The following SPECC1L variants were observed in gnomAD, a reference collection of about 807,000 sequenced individuals.
SPECC1L encodes sperm antigen with calponin homology and coiled-coil domains 1 like.
SPECC1L carries 40 observed loss-of-function variants against 116.8 expected under a neutral mutation model. That is an observed-to-expected ratio of 0.34 (90% CI 0.27 to 0.45). The LOEUF is 0.45. Ranked by LOEUF, SPECC1L falls within the 20% of genes least tolerant of loss-of-function variation. The pLI, the probability that SPECC1L is intolerant of heterozygous loss-of-function variation, is 1.00. For synonymous variants in SPECC1L, 504 were observed against 500.6 expected (o/e 1.01, Z -0.09); for missense variants, 1,110 against 1,373.6 (o/e 0.81, Z 3.03).
At chr22:24,376,816 GTT>G (rs58308633) in intron 14 of SPECC1L, among the ~76,000 whole-genome samples, 2 of 145,960 alleles carry the variant, frequency 1.4e-5, no homozygotes, top group African/African-American at 5.0e-5. Flanking sequence ...CAATCACCTA[GTT>G]TTTTTTTTTT....
intron 2 of SPECC1L, among the ~76,000 whole-genome samples, chr22:24,283,194 T>C (rs2146342822): frequency 6.6e-6 from 1 of 152,276 alleles, no homozygotes; most frequent in East Asian, 1.9e-4. Flanking sequence ...TTCTCCTGCG[T>C]CAGCCTCAGG....
chr22:24,281,554 T>C (rs1302455188), intron 2 of SPECC1L, among the ~76,000 whole-genome samples: 2 of 152,254 alleles, frequency 1.3e-5, no homozygotes, highest in African/African-American at 2.4e-5. Context: ...CAGATTTACT[T>C]CTATTTCATA....
chr22:24,412,623 T>C (rs1303458613), intron 15 of SPECC1L, 25 bp from the exon 16 acceptor site: 8 of 1,613,518 alleles, frequency 5.0e-6, no homozygotes, highest in Non-Finnish European at 6.8e-6. Context: ...GTTCATGCAC[T>C]GCAGTGACAC....
At chr22:24,414,238 G>C (rs1054171188) in intron 16 of SPECC1L, among the ~76,000 whole-genome samples, 2 of 152,152 alleles carry the variant, frequency 1.3e-5, no homozygotes, top group Admixed American at 6.5e-5. Flanking sequence ...AGGCAGGCGC[G>C]GGGAGGAGGG....
At chr22:24,335,137 A>G (rs2041025863) in intron 9 of SPECC1L, among the ~76,000 whole-genome samples, 1 of 152,048 alleles carries the variant, frequency 6.6e-6, no homozygotes, top group African/African-American at 2.4e-5. Context: ...AATTCTGTTG[A>G]TACAGCCTAC....
intron 14 of SPECC1L, among the ~76,000 whole-genome samples, chr22:24,411,222 A>AGG (rs34730325): frequency 1.6e-4 from 24 of 151,512 alleles, no homozygotes; most frequent in Admixed American, 4.6e-4. Flanking sequence ...AAAACAAAAA[A>AGG]GGGGGGGTCA....
intron 4 of SPECC1L, among the ~76,000 whole-genome samples, chr22:24,317,148 C>CT (rs1241893029): frequency 9.7e-6 from 1 of 103,422 alleles, no homozygotes; most frequent in African/African-American, 3.7e-5. Context: ...ACCCCCCTAC[C>CT]TCCCTCCCGG....
Position 24,365,554 on chromosome 22 carries a change from T to C in SPECC1L, c.2906T>C (p.Met969Thr), listed in dbSNP as rs1454777756. The change falls in exon 13 of 17, where the codon ATG becomes ACG. Residue 969 changes from methionine to threonine, a missense_variant. Around this residue, in one of 4 missense-constraint regions of SPECC1L, gnomAD observed 575 missense variants for 682.4 expected, o/e 0.84. Coordinates refer to ENST00000314328, the MANE Select transcript of SPECC1L (RefSeq NM_015330.6). Reference sequence around the variant, plus strand: ...GCGTCGCCAGCCTCTCTGATGGCTATGGGAACCACGTCTCCACAGCTTTCC... The same window carrying C: ...GCGTCGCCAGCCTCTCTGATGGCTACGGGAACCACGTCTCCACAGCTTTCC... ...EGASPASLMA[M>T]GTTSPQLSLS... 1 of 1,614,178 alleles carries C rather than the reference T, an allele frequency of 6.2e-7. No homozygotes were observed. Among genetic ancestry groups the C allele is most frequent in the Non-Finnish European group, 8.5e-7 (1 of 1,180,022 alleles).
chr22:24,325,538 G>GATTT (rs56194800), intron 6 of SPECC1L, among the ~76,000 whole-genome samples: 11,974 of 146,672 alleles, frequency 0.082, 502 homozygotes, highest in East Asian at 0.12. Flanking sequence ...TACTTAAATG[G>GATTT]ATTTATTTAT....
intron 14 of SPECC1L, among the ~76,000 whole-genome samples, chr22:24,382,704 CAAAAA>C (rs34174849): frequency 2.4e-3 from 143 of 59,642 alleles, no homozygotes; most frequent in African/African-American, 9.1e-3. Context: ...GACTCCATCT[CAAAAA>C]AAAAAAAAAA....
intron 15 of SPECC1L, 102 bp downstream of exon 15, chr22:24,411,806 G>C: frequency 1.0e-6 from 1 of 956,264 alleles, no homozygotes; most frequent in East Asian, 2.4e-5. Flanking sequence ...CACAGCGCTG[G>C]CTTGCGATTG....
At chr22:24,348,107 G>A (rs1569429885) in intron 11 of SPECC1L, among the ~76,000 whole-genome samples, 3 of 152,144 alleles carry the variant, frequency 2.0e-5, no homozygotes, top group Non-Finnish European at 1.5e-5. Context: ...AAGATGAACT[G>A]CAGTGTTGGG....
At chr22:24,378,438 A>G (rs2146683395) in intron 14 of SPECC1L, among the ~76,000 whole-genome samples, 1 of 152,366 alleles carries the variant, frequency 6.6e-6, no homozygotes, top group East Asian at 1.9e-4. Flanking sequence ...GTGGTATAGC[A>G]CTTTTAATTT....
At chr22:24,293,752 G>C (rs2049203308) in intron 2 of SPECC1L, among the ~76,000 whole-genome samples, 1 of 135,366 alleles carries the variant, frequency 7.4e-6, no homozygotes, top group South Asian at 2.8e-4. Flanking sequence ...ATCTGGAGGA[G>C]TGGATGGGGA....
intron 5 of SPECC1L, chr22:24,323,120 T>C: frequency 5.1e-6 from 5 of 980,144 alleles, no homozygotes; most frequent in Non-Finnish European, 6.1e-6. Context: ...TTTCTCTCAC[T>C]TGTATTTTGT....
intron 13 of SPECC1L, among the ~76,000 whole-genome samples, chr22:24,367,579 C>T (rs560529786): frequency 6.6e-6 from 1 of 152,118 alleles, no homozygotes; most frequent in African/African-American, 2.4e-5. Context: ...AGGAATGTTA[C>T]AGGCTGGCAC....
intron 2 of SPECC1L, among the ~76,000 whole-genome samples, chr22:24,298,521 C>T (rs1184086023): frequency 6.6e-6 from 1 of 152,200 alleles, no homozygotes; most frequent in Non-Finnish European, 1.5e-5. Flanking sequence ...CCAAGATCTG[C>T]AGTTGGCCAG....
At chr22:24,339,594 A>G (rs936115499) in intron 10 of SPECC1L, among the ~76,000 whole-genome samples, 20 of 152,230 alleles carry the variant, frequency 1.3e-4, no homozygotes, top group African/African-American at 4.8e-4. Context: ...GAGTAGCCAA[A>G]GGAAACATTG....
At chr22:24,341,369 C>T (rs914725345) in intron 10 of SPECC1L, among the ~76,000 whole-genome samples, 10 of 152,210 alleles carry the variant, frequency 6.6e-5, no homozygotes, top group Admixed American at 3.9e-4. Context: ...ACAAACACTT[C>T]TGGTAGCTCA....
Sources: allele counts gnomAD v4.1 joint callset (sites outside exome capture counted in the v4.1 genomes callset), GRCh38; gene constraint gnomAD v4.1.1; regional missense constraint gnomAD v4.1.1; transcripts MANE v1.5; gene names NCBI Gene and HGNC (gene_info 2026-07-23, HGNC 2026-07-21).